The following LTBP1 variants were observed in gnomAD, a reference collection of about 807,000 sequenced individuals.
The protein encoded by LTBP1 is latent transforming growth factor beta binding protein 1.
In LTBP1, 129 loss-of-function variants were observed where a neutral mutation model predicts 207.6. The observed-to-expected ratio is 0.62, with a 90% confidence interval of 0.54 to 0.72. The LOEUF is 0.72. Among genes scored for constraint, LTBP1 ranks in the 30% least tolerant of loss-of-function variants. LTBP1 has a pLI of 0.00. For missense variants in LTBP1, 2,281 were observed against 2,217.2 expected (o/e 1.03, Z -0.58); for synonymous variants, 963 against 833.7 (o/e 1.16, Z -2.67).
At chr2:33,136,939 G>A (rs1475866010) in intron 5 of LTBP1, among the ~76,000 whole-genome samples, 3 of 152,198 alleles carry the variant, frequency 2.0e-5, no homozygotes, top group African/African-American at 7.2e-5. Flanking sequence ...AAAAGTAGAG[G>A]ATGGGGTGAG....
intron 22 of LTBP1, among the ~76,000 whole-genome samples, chr2:33,302,441 G>C (rs897776145): frequency 2.0e-5 from 3 of 152,160 alleles, no homozygotes; most frequent in African/African-American, 7.2e-5. Context: ...GAGCCTTTTG[G>C]TGAATGGTTT....
rs530396724 is a variant in LTBP1 at position 33,282,430 on chromosome 2, T to C, written c.3112+2272T>C. Among the ~76,000 whole-genome samples, 30 of 152,288 alleles carry C rather than the reference T, an allele frequency of 2.0e-4. No homozygotes were observed. In the South Asian group the frequency reaches 6.2e-3, roughly 32 times the overall value. On this transcript the variant is annotated intron_variant, in intron 19 of 33. Transcript: ENST00000404816. ...TCATGAGGGCCTTTGCAGGTTATACTGAAATAGATTTTCCATCTTAATTTT... is the reference window on the plus strand; with the variant it reads ...TCATGAGGGCCTTTGCAGGTTATACCGAAATAGATTTTCCATCTTAATTTT...
intron 6 of LTBP1, among the ~76,000 whole-genome samples, chr2:33,187,975 C>A (rs1180686760): frequency 1.3e-5 from 2 of 152,210 alleles, no homozygotes; most frequent in African/African-American, 2.4e-5. Flanking sequence ...TTAGAACAAG[C>A]AGCATGAATT....
rs11332508 is a variant in LTBP1 at position 33,322,134 on chromosome 2, CTT to C, written c.3730+6877_3730+6878del. On this transcript the variant is annotated intron_variant, in intron 24 of 33. Coordinates refer to ENST00000404816, the MANE Select transcript of LTBP1 (RefSeq NM_206943.4). ...AAAAATTTGAGATCTCTTCCTAAGC[CTT>C]TTTTTTTTTTTATCACTGCTGACCT... Among the ~76,000 whole-genome samples the C allele has an allele frequency of 5.1e-3, 753 of 147,880 alleles. 2 individuals are homozygous for C. Among genetic ancestry groups the C allele is most frequent in the African/African-American group, 0.011 (439 of 40,434 alleles).
chr2:33,393,016 C>T (rs975500862), intron 32 of LTBP1, among the ~76,000 whole-genome samples: 1 of 151,678 alleles, frequency 6.6e-6, no homozygotes, highest in Non-Finnish European at 1.5e-5. Context: ...ATGGGCCTGC[C>T]ATGGATGTAT....
At chr2:33,166,380 A>G (rs2084921595) in intron 5 of LTBP1, among the ~76,000 whole-genome samples, 1 of 152,188 alleles carries the variant, frequency 6.6e-6, no homozygotes, top group Non-Finnish European at 1.5e-5. Flanking sequence ...TTCTCTGATG[A>G]TACTTGGTTT....
intron 25 of LTBP1, among the ~76,000 whole-genome samples, chr2:33,343,246 A>C: frequency 6.6e-6 from 1 of 151,764 alleles, no homozygotes; most frequent in East Asian, 1.9e-4. Context: ...TATGAATAAA[A>C]ATTTTAAAAA....
At chr2:33,222,268 G>A (rs1573270280) in intron 9 of LTBP1, 117 bp downstream of exon 9, 1 of 723,974 alleles carries the variant, frequency 1.4e-6, no homozygotes, top group Admixed American at 1.9e-5. Flanking sequence ...ACCACCTCAT[G>A]TTCACTCCTT....
chr2:33,156,259 G>T (rs985295305), intron 5 of LTBP1, among the ~76,000 whole-genome samples: 2 of 152,228 alleles, frequency 1.3e-5, no homozygotes, highest in Non-Finnish European at 1.5e-5. Context: ...CCAGGGTTGT[G>T]CTTTCACCTC....
chr2:33,281,473 C>T (rs546631349), intron 19 of LTBP1, among the ~76,000 whole-genome samples: 8 of 152,302 alleles, frequency 5.3e-5, no homozygotes, highest in Middle Eastern at 3.4e-3. Context: ...GATGAGAGGA[C>T]AGACCACTGA....
intron 19 of LTBP1, among the ~76,000 whole-genome samples, chr2:33,286,405 T>A (rs2093665330): frequency 1.3e-5 from 2 of 152,234 alleles, no homozygotes; most frequent in South Asian, 4.1e-4. Context: ...GGCTTTATTT[T>A]CAGATTTGAA....
chr2:33,198,552 G>C (rs544805254), intron 7 of LTBP1, among the ~76,000 whole-genome samples: 1 of 152,232 alleles, frequency 6.6e-6, no homozygotes, highest in East Asian at 1.9e-4. Flanking sequence ...TTGGTAAGCT[G>C]GTGATTATTG....
intron 3 of LTBP1, among the ~76,000 whole-genome samples, chr2:33,070,382 A>G (rs2077729212): frequency 6.6e-6 from 1 of 152,180 alleles, no homozygotes; most frequent in South Asian, 2.1e-4. Flanking sequence ...GGGATGGCGA[A>G]ACCTCTGAGC....
chr2:33,047,257 A>G (rs555377872), intron 3 of LTBP1, among the ~76,000 whole-genome samples: 82 of 152,342 alleles, frequency 5.4e-4, no homozygotes, highest in African/African-American at 1.8e-3. Context: ...ATTTAGTGCT[A>G]TAAATTTCCC....
intron 5 of LTBP1, among the ~76,000 whole-genome samples, chr2:33,142,164 G>GC (rs1034931383): frequency 6.6e-5 from 10 of 152,082 alleles, no homozygotes; most frequent in Admixed American, 2.0e-4. Flanking sequence ...CCATTCTCAT[G>GC]CCTCAGCCTC....
At chr2:33,175,765 C>T (rs953095541) in intron 5 of LTBP1, among the ~76,000 whole-genome samples, 30 of 152,172 alleles carry the variant, frequency 2.0e-4, no homozygotes, top group African/African-American at 7.0e-4. Context: ...AAATGGCCAA[C>T]AGTGATAGAC....
intron 2 of LTBP1, among the ~76,000 whole-genome samples, chr2:32,990,819 T>C (rs1470537059): frequency 1.3e-5 from 2 of 152,126 alleles, no homozygotes; most frequent in Admixed American, 1.3e-4. Flanking sequence ...TGGGAGAAAA[T>C]TGACACATCA....
At chr2:33,198,808 G>GCT (rs1440957786) in intron 7 of LTBP1, among the ~76,000 whole-genome samples, 6 of 152,010 alleles carry the variant, frequency 3.9e-5, no homozygotes, top group Admixed American at 6.5e-5. Flanking sequence ...TATTAGTCTT[G>GCT]CTAGCGGTCT....
At chr2:33,094,526 A>G (rs187339635) in intron 3 of LTBP1, among the ~76,000 whole-genome samples, 169 of 152,356 alleles carry the variant, frequency 1.1e-3, no homozygotes, top group African/African-American at 4.0e-3. Context: ...CTGTCTGAAC[A>G]CTGCTTTTCA....
Sources: allele counts gnomAD v4.1 joint callset (sites outside exome capture counted in the v4.1 genomes callset), GRCh38; gene constraint gnomAD v4.1.1; transcripts MANE v1.5; gene names NCBI Gene and HGNC (gene_info 2026-07-23, HGNC 2026-07-21).